Variants in ACOT12 observed in about 807,000 individuals in gnomAD.
The protein encoded by ACOT12 is acetyl-coenzyme A thioesterase.
Under a neutral mutation model 67.7 loss-of-function variants are expected in ACOT12, and 51 were observed. The observed-to-expected ratio is 0.75, with a 90% CI of 0.60 to 0.95. The LOEUF is 0.95. Among genes scored for constraint, ACOT12 ranks in the 40% least tolerant of loss-of-function variants. The pLI, the probability that ACOT12 is intolerant of heterozygous loss-of-function variation, is 0.00. For missense variants in ACOT12, 734 were observed against 708.1 expected, an observed-to-expected ratio of 1.04 and a Z score of -0.41; for synonymous variants, 251 against 244.6, an observed-to-expected ratio of 1.03 and a Z score of -0.24.
At chr5:81,315,887 G>A in the ACOT12 span, among the ~76,000 whole-genome samples, 1 of 152,094 alleles carries the variant, frequency 6.6e-6, no homozygotes, top group African/African-American at 2.4e-5. Context: ...ATGTTTTTCT[G>A]TGTCATTTAT....
the ACOT12 span, among the ~76,000 whole-genome samples, chr5:81,323,146 T>C: frequency 6.8e-6 from 1 of 146,866 alleles, no homozygotes; most frequent in Non-Finnish European, 1.5e-5. Context: ...AGGAACAAAC[T>C]AGTAAAAGAT....
chr5:81,381,323 C>A (rs1180530821), intron 2 of ACOT12, among the ~76,000 whole-genome samples: 1 of 152,138 alleles, frequency 6.6e-6, no homozygotes, highest in South Asian at 2.1e-4. Flanking sequence ...CCCACCTCAG[C>A]CTTCCAAAGT....
chr5:81,372,048 G>T (rs1760270599), intron 2 of ACOT12, among the ~76,000 whole-genome samples: 1 of 152,128 alleles, frequency 6.6e-6, no homozygotes, highest in Admixed American at 6.5e-5. Flanking sequence ...ACAGAAAAGA[G>T]ACTTTGCAGA....
chr5:81,369,141 C>T (rs1760168657), intron 3 of ACOT12, among the ~76,000 whole-genome samples: 1 of 149,544 alleles, frequency 6.7e-6, no homozygotes, highest in Non-Finnish European at 1.5e-5. Flanking sequence ...TTCTTAAAGA[C>T]ATATTCTAAG....
the ACOT12 span, among the ~76,000 whole-genome samples, chr5:81,317,981 C>G: frequency 6.6e-6 from 1 of 150,506 alleles, no homozygotes; most frequent in Middle Eastern, 3.4e-3. Flanking sequence ...CTCCCAGGTT[C>G]AAGCCATTCT....
downstream of ACOT12, among the ~76,000 whole-genome samples, chr5:81,329,792 T>G (rs999287832): frequency 6.6e-6 from 1 of 152,072 alleles, no homozygotes; most frequent in Non-Finnish European, 1.5e-5. Flanking sequence ...ATTAGAGCAA[T>G]AGACACTAAA....
chr5:81,385,094 C>T (rs1760692092), intron 2 of ACOT12, among the ~76,000 whole-genome samples: 1 of 152,042 alleles, frequency 6.6e-6, no homozygotes, highest in Non-Finnish European at 1.5e-5. Flanking sequence ...TGAAATTCAC[C>T]ATTATAAAGA....
chr5:81,353,926 C>A (rs1441683955), intron 5 of ACOT12, among the ~76,000 whole-genome samples: 1 of 152,162 alleles, frequency 6.6e-6, no homozygotes, highest in Non-Finnish European at 1.5e-5. Flanking sequence ...TTAGAACACA[C>A]AATGTCCTAT....
chr5:81,359,582 T>A (rs1759837491), intron 5 of ACOT12, among the ~76,000 whole-genome samples: 1 of 152,232 alleles, frequency 6.6e-6, no homozygotes, highest in Admixed American at 6.5e-5. Context: ...CGAAGCACCG[T>A]GTCAATGTAT....
chr5:81,309,027 T>G, the ACOT12 span: 5 of 1,610,840 alleles, frequency 3.1e-6, no homozygotes, highest in South Asian at 5.5e-5. Context: ...CCCAAAGGAC[T>G]CTATGCTGAT....
chr5:81,349,642 T>C lies in ACOT12; in HGVS notation c.497-1712A>G, dbSNP rs142015953. Among the ~76,000 whole-genome samples, 806 of 152,320 alleles carry C rather than the reference T, an allele frequency of 5.3e-3. 5 individuals are homozygous for C. The highest frequency in any genetic ancestry group is 0.018 in the African/African-American group (747 of 41,574). On this transcript the variant is annotated intron_variant, in intron 5 of 14. Coordinates refer to ENST00000307624, the MANE Select transcript of ACOT12 (RefSeq NM_130767.3). ...TCTTTCTTTCATGGCTATAGTTTTA[T>C]GTTATTTGTGTGCCCTTTTATTATG... is the stretch of plus-strand genomic sequence containing the variant.
At chr5:81,326,321 T>C (rs1758675839), downstream of ACOT12, among the ~76,000 whole-genome samples, 1 of 151,692 alleles carries the variant, frequency 6.6e-6, no homozygotes, top group Non-Finnish European at 1.5e-5. Flanking sequence ...ATGGGGTTTC[T>C]TCATGTTGGT....
At chr5:81,340,102 A>C (rs1475720469) in intron 11 of ACOT12, among the ~76,000 whole-genome samples, 1 of 151,824 alleles carries the variant, frequency 6.6e-6, no homozygotes, top group Non-Finnish European at 1.5e-5. Context: ...CAGCTGCACA[A>C]TCTCGGCTCA....
At position 81,394,121 on chromosome 5, in the gene ACOT12, G is replaced by T; in HGVS notation, c.-7C>A. On this transcript the variant is annotated 5_prime_UTR_variant, in exon 1 of 15. Coordinates refer to ENST00000307624, the MANE Select transcript of ACOT12 (RefSeq NM_130767.3). ...CGGGCGCCGGCCGCTCCATGGCCAG[G>T]GCGAGAGCGCTACGCCTGCGGCCCC... 7.0e-7 allele frequency: 1 copy of T among 1,434,598 alleles called. No individual in the cohort carries two copies. Among genetic ancestry groups the T allele is most frequent in the South Asian group, 1.4e-5 (1 of 71,700 alleles). The allele number at this position is 1,434,598 out of a possible 1,614,324, so 88.9% of individuals were successfully genotyped here. A position where few individuals can be genotyped will look rare whatever the true frequency, so the allele number is the denominator to read the frequency against.
rs191332449 is a variant in ACOT12 at position 81,353,292 on chromosome 5, C to T, written c.497-5362G>A. On this transcript the variant is annotated intron_variant, in intron 5 of 14. Coordinates refer to ENST00000307624, the MANE Select transcript of ACOT12 (RefSeq NM_130767.3). ...TTATTTGGAGTTAATTTACAACCAA[C>T]GAAAAAAATAGGGTTTTCCCAGGTT... is the stretch of plus-strand genomic sequence containing the variant. Among the ~76,000 whole-genome samples, 25 of 151,862 alleles carry T rather than the reference C, an allele frequency of 1.6e-4. No individual in the cohort carries two copies. The East Asian group carries it at 3.9e-3, about 23-fold the overall frequency.
chr5:81,319,820 C>T, the ACOT12 span, among the ~76,000 whole-genome samples: 1 of 144,072 alleles, frequency 6.9e-6, no homozygotes, highest in African/African-American at 2.5e-5. Flanking sequence ...ACCCATGAAC[C>T]TACTTTCTTT....
chr5:81,342,685 C>T lies in ACOT12; in HGVS notation c.1115G>A (p.Ser372Asn). ...LAAKRGWEVTSTVEKIKIYTL... is the reference protein window; with the variant it reads ...LAAKRGWEVTNTVEKIKIYTL... ...GAAGTGTCCTACCTTTTCCACAGTGCTGGTAACCTCCCAACCCCTTTTGGC... is the reference window on the plus strand; with the variant it reads ...GAAGTGTCCTACCTTTTCCACAGTGTTGGTAACCTCCCAACCCCTTTTGGC... The change falls in exon 11 of 15, where the codon AGC (serine) becomes AAC (asparagine). Residue 372 changes from serine to asparagine, a missense_variant. By Grantham distance (46) the Ser-to-Asn change is conservative. Transcript: ENST00000307624. 2.5e-6 allele frequency: 4 copies of T among 1,614,148 alleles called. No individual in the cohort carries two copies. The highest frequency in any genetic ancestry group is 1.1e-5 in the South Asian group (1 of 91,072).
intron 5 of ACOT12, among the ~76,000 whole-genome samples, chr5:81,350,992 G>A (rs1161409984): frequency 1.3e-5 from 2 of 152,124 alleles, no homozygotes; most frequent in African/African-American, 2.4e-5. Flanking sequence ...CTTGCACTGC[G>A]GCATTTGTGT....
At chr5:81,372,751 C>T (rs1005033592) in intron 2 of ACOT12, among the ~76,000 whole-genome samples, 1 of 152,102 alleles carries the variant, frequency 6.6e-6, no homozygotes, top group African/African-American at 2.4e-5. Flanking sequence ...GTTTATTTTT[C>T]TGACTTATAC....
Sources: allele counts gnomAD v4.1 joint callset (sites outside exome capture counted in the v4.1 genomes callset), GRCh38; gene constraint gnomAD v4.1.1; transcripts MANE v1.5; gene names NCBI Gene and HGNC (gene_info 2026-07-23, HGNC 2026-07-21).